SYNE1: variants seen among roughly 807,000 people sequenced by gnomAD.
SYNE1 encodes spectrin repeat containing nuclear envelope protein 1, also known as nesprin-1.
A neutral mutation model predicts 1,111.0 loss-of-function variants in SYNE1; 616 were observed. That is an observed-to-expected ratio of 0.55 (90% CI 0.52 to 0.59). The LOEUF is 0.59. Among genes scored for constraint, SYNE1 ranks in the 20% least tolerant of loss-of-function variants. The pLI, the probability that SYNE1 is intolerant of heterozygous loss-of-function variation, is 0.00. For missense variants in SYNE1, 10,006 were observed against 10,417.0 expected (o/e 0.96, Z 1.72); for synonymous variants, 3,855 against 3,825.8 (o/e 1.01, Z -0.28).
At chr6:152,131,738 G>A (rs2055752411) in intron 144 of SYNE1, among the ~76,000 whole-genome samples, 1 of 152,124 alleles carries the variant, frequency 6.6e-6, no homozygotes, top group South Asian at 2.1e-4. Flanking sequence ...TCACGGTTCT[G>A]TGCACCTCCA....
rs191389150 is a variant in SYNE1 at position 152,376,295 on chromosome 6, G to A, written c.9324+86C>T. On this transcript the variant is annotated intron_variant, in intron 58 of 145. Coordinates refer to ENST00000367255, the MANE Select transcript of SYNE1 (RefSeq NM_182961.4). ...AGGCCAGGGACCTGTACCAGTCCGC[G>A]GCCCAGGAGATGGGGACCCTTGATT... 3.2e-3 allele frequency: 4,684 copies of A among 1,471,412 alleles called. 12 individuals are homozygous for A. Among genetic ancestry groups the A allele is most frequent in the Admixed American group, 4.2e-3 (250 of 59,366 alleles). The allele number at this position is 1,471,412 out of a possible 1,614,324, so 91.1% of individuals were successfully genotyped here.
chr6:152,467,379 A>G (rs899094509), intron 16 of SYNE1, among the ~76,000 whole-genome samples: 1 of 152,146 alleles, frequency 6.6e-6, no homozygotes, highest in Non-Finnish European at 1.5e-5. Context: ...TTAACTAAAC[A>G]AGCAATTCAT....
intron 78 of SYNE1, 30 bp downstream of exon 78, chr6:152,329,700 A>G: frequency 1.9e-6 from 3 of 1,614,174 alleles, no homozygotes; most frequent in Non-Finnish European, 2.5e-6. Context: ...CAGAGTGGAA[A>G]AAAGAGAAGT....
chr6:152,283,442 C>G (rs117423019), intron 96 of SYNE1, among the ~76,000 whole-genome samples: 1 of 152,210 alleles, frequency 6.6e-6, no homozygotes, highest in Non-Finnish European at 1.5e-5. Context: ...CAATATTTCA[C>G]GCCTGAAATG....
chr6:152,325,081 T>C lies in SYNE1; in HGVS notation c.15657+3A>G. On this transcript the variant is annotated splice_donor_region_variant and intron_variant, in intron 81 of 145. Coordinates refer to ENST00000367255, the MANE Select transcript of SYNE1 (RefSeq NM_182961.4). ...AGGTGAGCCCATGGACAGTGGAAACTACCTTGTTGTTAAAGCCCGTCCACT... is the reference window on the plus strand; with the variant it reads ...AGGTGAGCCCATGGACAGTGGAAACCACCTTGTTGTTAAAGCCCGTCCACT... The C allele has an allele frequency of 6.2e-7, 1 of 1,613,782 alleles. No homozygotes were observed. The highest frequency in any genetic ancestry group is 2.2e-5 in the East Asian group (1 of 44,884).
chr6:152,324,565 C>T (rs2095995737), intron 81 of SYNE1, among the ~76,000 whole-genome samples: 1 of 152,074 alleles, frequency 6.6e-6, no homozygotes, highest in Admixed American at 6.5e-5. Context: ...GGGGCTGAGG[C>T]GGGCGGATCA....
chr6:152,175,432 C>T (rs1248337427), intron 130 of SYNE1, among the ~76,000 whole-genome samples: 4 of 152,296 alleles, frequency 2.6e-5, no homozygotes, highest in East Asian at 1.9e-4. Flanking sequence ...TTATGCAGCA[C>T]GGCTAAGGAA....
chr6:152,261,682 G>A (rs1334826894), intron 101 of SYNE1, among the ~76,000 whole-genome samples: 1 of 152,184 alleles, frequency 6.6e-6, no homozygotes, highest in Admixed American at 6.5e-5. Context: ...AAATCCTTCT[G>A]TCCTAGATGT....
At chr6:152,200,699 T>C (rs2075240902) in intron 127 of SYNE1, among the ~76,000 whole-genome samples, 1 of 152,220 alleles carries the variant, frequency 6.6e-6, no homozygotes, top group Non-Finnish European at 1.5e-5. Flanking sequence ...CCGGCTTCTT[T>C]ATTTTTAATA....
intron 95 of SYNE1, among the ~76,000 whole-genome samples, chr6:152,293,196 A>G (rs2094694635): frequency 6.6e-6 from 1 of 152,238 alleles, no homozygotes; most frequent in Non-Finnish European, 1.5e-5. Flanking sequence ...AGTTTCTTAA[A>G]ACAACAATAT....
chr6:152,389,434 G>T (rs1206504860), intron 53 of SYNE1, among the ~76,000 whole-genome samples: 8 of 151,982 alleles, frequency 5.3e-5, no homozygotes, highest in Non-Finnish European at 1.2e-4. Context: ...CATCTATTTT[G>T]TTATGATCAC....
At chr6:152,438,537 CAGGTAAAAATTGA>C (rs1297568129) in intron 32 of SYNE1, among the ~76,000 whole-genome samples, 1 of 152,160 alleles carries the variant, frequency 6.6e-6, no homozygotes, top group Non-Finnish European at 1.5e-5. Flanking sequence ...CAGGATGCAT[CAGGTAAAAATTGA>C]CTCACATTAG....
At chr6:152,326,184 GA>G (rs2096063249) in intron 79 of SYNE1, 82 bp from the exon 80 acceptor site, 1 of 1,611,948 alleles carries the variant, frequency 6.2e-7, no homozygotes, top group African/African-American at 1.3e-5. Flanking sequence ...TATGTCTAAT[GA>G]TACTCAGGGA....
chr6:152,559,241 C>G (rs542422437), intron 3 of SYNE1, among the ~76,000 whole-genome samples: 64 of 151,814 alleles, frequency 4.2e-4, no homozygotes, highest in African/African-American at 1.5e-3. Context: ...GGGATTACAG[C>G]TGAGTGCCAC....
chr6:152,491,480 G>C (rs2098970081), intron 11 of SYNE1, among the ~76,000 whole-genome samples: 1 of 152,036 alleles, frequency 6.6e-6, no homozygotes, highest in African/African-American at 2.4e-5. Context: ...CCCTTAGCCT[G>C]TGTTCTCAAG....
At chr6:152,582,258 A>G (rs181407804) in intron 3 of SYNE1, among the ~76,000 whole-genome samples, 1 of 152,272 alleles carries the variant, frequency 6.6e-6, no homozygotes, top group East Asian at 1.9e-4. Flanking sequence ...TTCAAAGGTA[A>G]GATCTCCCAT....
chr6:152,188,053 T>A (rs73619305), intron 128 of SYNE1, among the ~76,000 whole-genome samples: 5,086 of 152,250 alleles, frequency 0.033, 255 homozygotes, highest in African/African-American at 0.11. Context: ...ACATTGTTTT[T>A]ACCTGTTTAT....
intron 63 of SYNE1, among the ~76,000 whole-genome samples, chr6:152,363,378 C>T (rs2096977997): frequency 1.3e-5 from 2 of 149,992 alleles, no homozygotes; most frequent in Admixed American, 1.3e-4. Flanking sequence ...CCTGTAGTAC[C>T]AGCTACTCGA....
At chr6:152,502,214 CAT>C (rs61212570) in intron 10 of SYNE1, among the ~76,000 whole-genome samples, 4,042 of 152,176 alleles carry the variant, frequency 0.027, 202 homozygotes, top group African/African-American at 0.093. Context: ...GTCTTACTTC[CAT>C]ATGTTTGCTG....
Sources: gnomAD v4.1 joint callset for allele counts (sites outside exome capture counted in the v4.1 genomes callset) on GRCh38, gnomAD v4.1.1 for gene constraint, MANE v1.5 for transcripts, NCBI Gene and HGNC (gene_info 2026-07-23, HGNC 2026-07-21) for gene names.